Variants in TAFA2 observed in about 807,000 individuals in gnomAD.
The protein encoded by TAFA2 is TAFA chemokine like family member 2, also known as chemokine-like protein TAFA-2.
TAFA2 carries 7 observed loss-of-function variants against 18.8 expected under a neutral mutation model. The ratio of observed to expected loss-of-function variants is 0.37; its 90% CI spans 0.21 to 0.70. TAFA2 has a LOEUF of 0.70. Among genes scored for constraint, TAFA2 ranks in the 30% least tolerant of loss-of-function variants. The probability of loss-of-function intolerance (pLI) is 0.53; values close to 1 mark genes in which losing one functional copy is unlikely to be tolerated. For synonymous variants in TAFA2, 60 were observed against 54.2 expected, an observed-to-expected ratio of 1.11 and a Z score of -0.47; for missense variants, 122 against 158.1, an observed-to-expected ratio of 0.77 and a Z score of 1.23.
chr12:62,245,777 C>A (rs1234705595), intron 1 of TAFA2, among the ~76,000 whole-genome samples: 1 of 147,002 alleles, frequency 6.8e-6, no homozygotes. Context: ...TATATATATG[C>A]CTTTTCAAAA....
At chr12:62,259,134 T>G (rs1474003897), upstream of TAFA2, 1 of 152,316 alleles carries the variant, frequency 6.6e-6, no homozygotes, top group African/African-American at 2.4e-5. Flanking sequence ...TCTCACCAAA[T>G]GAGTTAGGGT....
chr12:61,752,068 G>C (rs895678197), intron 4 of TAFA2, among the ~76,000 whole-genome samples: 3 of 151,998 alleles, frequency 2.0e-5, no homozygotes, highest in Admixed American at 2.0e-4. Context: ...TACATGTTTT[G>C]AAACCTGGCT....
intron 4 of TAFA2, among the ~76,000 whole-genome samples, chr12:61,722,905 T>A (rs1262910717): frequency 6.6e-6 from 1 of 152,156 alleles, no homozygotes; most frequent in African/African-American, 2.4e-5. Flanking sequence ...AAGAAAAATC[T>A]ATAATACTAT....
At chr12:61,710,591 C>G (rs922879264) in intron 4 of TAFA2, among the ~76,000 whole-genome samples, 174 bp from the exon 5 acceptor site, 1 of 152,056 alleles carries the variant, frequency 6.6e-6, no homozygotes, top group Non-Finnish European at 1.5e-5. Flanking sequence ...TAAAAATATA[C>G]TTTTTTTCTC....
At chr12:61,963,053 A>G (rs1288969446) in intron 1 of TAFA2, among the ~76,000 whole-genome samples, 2 of 151,902 alleles carry the variant, frequency 1.3e-5, no homozygotes, top group East Asian at 1.9e-4. Context: ...AAGGACATGA[A>G]CTCATCCTTT....
chr12:62,184,004 C>T (rs1451073878), intron 1 of TAFA2, among the ~76,000 whole-genome samples: 6 of 152,122 alleles, frequency 3.9e-5, no homozygotes, highest in Non-Finnish European at 8.8e-5. Flanking sequence ...AGCAACATTA[C>T]TAAATTATAA....
At chr12:62,073,190 C>A (rs1185434493) in intron 1 of TAFA2, among the ~76,000 whole-genome samples, 1 of 152,198 alleles carries the variant, frequency 6.6e-6, no homozygotes, top group African/African-American at 2.4e-5. Context: ...AGACTGGAAT[C>A]TGAAAAACAT....
chr12:62,187,854 A>G (rs1257071984), intron 1 of TAFA2, among the ~76,000 whole-genome samples: 1 of 152,216 alleles, frequency 6.6e-6, no homozygotes, highest in Non-Finnish European at 1.5e-5. Context: ...CTAAAGACTA[A>G]TGGTAACTCA....
chr12:62,172,754 G>A (rs1369246713), intron 1 of TAFA2, among the ~76,000 whole-genome samples: 3 of 152,090 alleles, frequency 2.0e-5, no homozygotes, highest in African/African-American at 4.8e-5. Flanking sequence ...AAAGGAACAC[G>A]CAAAATATTT....
intron 1 of TAFA2, among the ~76,000 whole-genome samples, chr12:62,111,538 T>A (rs527787677): frequency 1.3e-5 from 2 of 152,320 alleles, no homozygotes; most frequent in African/African-American, 4.8e-5. Context: ...GTCCTGAATA[T>A]CCTTGTTAAT....
chr12:62,220,026 T>C (rs2136977894), intron 1 of TAFA2, among the ~76,000 whole-genome samples: 1 of 152,296 alleles, frequency 6.6e-6, no homozygotes, highest in African/African-American at 2.4e-5. Flanking sequence ...AACTAAATTA[T>C]TGAAATGTTA....
intron 1 of TAFA2, among the ~76,000 whole-genome samples, chr12:61,884,007 A>G (rs542135810): frequency 6.6e-6 from 1 of 152,278 alleles, no homozygotes; most frequent in Non-Finnish European, 1.5e-5. Context: ...CCTGATCTGA[A>G]GTAGGAAATA....
chr12:62,067,704 T>C (rs1415205030), intron 1 of TAFA2, among the ~76,000 whole-genome samples: 1 of 152,088 alleles, frequency 6.6e-6, no homozygotes, highest in African/African-American at 2.4e-5. Context: ...CATGCCATTT[T>C]AGTTACTATA....
At chr12:61,851,619 T>G (rs1284914109) in intron 2 of TAFA2, among the ~76,000 whole-genome samples, 1 of 149,196 alleles carries the variant, frequency 6.7e-6, no homozygotes, top group Non-Finnish European at 1.5e-5. Context: ...ACTAAATATA[T>G]AAAAAATTAG....
chr12:61,983,383 GTTTGTTTTGT>G lies in TAFA2; in HGVS notation c.-1-115967_-1-115958del, dbSNP rs10524394. Among the ~76,000 whole-genome samples the G allele has an allele frequency of 7.8e-3, 1,138 of 146,740 alleles. 15 individuals are homozygous for G. The highest frequency in any genetic ancestry group is 0.025 in the African/African-American group (1,016 of 40,006). ...CTAGGTGCTAGGTCCCTGGGATTCTGTTTGTTTTGTTTTGTTTTGTTTTGTTTTGTTTTGT... is the reference window on the plus strand; with the variant it reads ...CTAGGTGCTAGGTCCCTGGGATTCTGTTTGTTTTGTTTTGTTTTGTTTTGT... On this transcript the variant is annotated intron_variant, in intron 1 of 4. Transcript: ENST00000416284.
chr12:61,713,823 G>A (rs1406452210), intron 4 of TAFA2, among the ~76,000 whole-genome samples: 1 of 152,088 alleles, frequency 6.6e-6, no homozygotes, highest in Non-Finnish European at 1.5e-5. Context: ...TATTTTAAAT[G>A]TCATTTTACC....
chr12:62,003,671 A>T (rs1407374703), intron 1 of TAFA2, among the ~76,000 whole-genome samples: 1 of 152,090 alleles, frequency 6.6e-6, no homozygotes, highest in East Asian at 1.9e-4. Flanking sequence ...TATTGTGTTC[A>T]TTGCTTCTCT....
At chr12:62,161,834 A>G (rs1409029245) in intron 1 of TAFA2, among the ~76,000 whole-genome samples, 1 of 152,174 alleles carries the variant, frequency 6.6e-6, no homozygotes, top group Admixed American at 6.5e-5. Context: ...ATGTATTTCA[A>G]TGTTTAATAT....
chr12:61,881,044 T>A (rs1875112343), intron 1 of TAFA2, among the ~76,000 whole-genome samples: 1 of 152,134 alleles, frequency 6.6e-6, no homozygotes, highest in South Asian at 2.1e-4. Flanking sequence ...TGAAAACAAT[T>A]CTAATGTCAT....
Sources: allele counts gnomAD v4.1 joint callset (sites outside exome capture counted in the v4.1 genomes callset), GRCh38; gene constraint gnomAD v4.1.1; transcripts MANE v1.5; gene names NCBI Gene and HGNC (gene_info 2026-07-23, HGNC 2026-07-21).